Variants in RAP1A observed in about 807,000 individuals in gnomAD.
The protein encoded by RAP1A is RAP1A, member of RAS oncogene family.
In RAP1A, 6 loss-of-function variants were observed where a neutral mutation model predicts 26.4. The observed-to-expected ratio is 0.23, with a 90% CI of 0.12 to 0.45. The LOEUF (loss-of-function observed/expected upper bound fraction) is 0.45. Among genes scored for constraint, RAP1A ranks in the 20% least tolerant of loss-of-function variants. The probability of loss-of-function intolerance (pLI) is 0.99; values close to 1 mark genes in which losing one functional copy is unlikely to be tolerated. For missense variants in RAP1A, 121 were observed against 217.2 expected, an observed-to-expected ratio of 0.56 and a Z score of 2.78; for synonymous variants, 73 against 79.4, an observed-to-expected ratio of 0.92 and a Z score of 0.43.
intron 1 of RAP1A, among the ~76,000 whole-genome samples, chr1:111,583,274 A>G (rs1335958512): frequency 3.0e-5 from 4 of 134,408 alleles, no homozygotes; most frequent in Non-Finnish European, 6.4e-5. Flanking sequence ...AGTGATATAT[A>G]TAAATGCTCA....
upstream of RAP1A, among the ~76,000 whole-genome samples, chr1:111,619,380 C>G (rs1291367656): frequency 6.6e-6 from 1 of 152,204 alleles, no homozygotes; most frequent in African/African-American, 2.4e-5. Context: ...TCTGTCTCCC[C>G]TCTCTCACTC....
At position 111,549,345 on chromosome 1, in the gene RAP1A, T is replaced by C. The variant is rs973540743; in HGVS notation, c.-28+6836T>C. On this transcript the variant is annotated intron_variant, in intron 1 of 7. Coordinates refer to the RAP1A transcript ENST00000356415. The stretch of plus-strand genomic sequence containing the variant: ...TTTTTTCTTGTCTTTTTCCTTTTTT[T>C]CCCCCTTTTAAAACATGGTCGGGCT... 5.3e-5 allele frequency among the ~76,000 whole-genome samples: 8 copies of C among 151,256 alleles called. No individual in the cohort carries two copies. The East Asian group carries it at 9.7e-4, about 18-fold the overall frequency.
chr1:111,624,779 T>C (rs538024427), intron 1 of RAP1A, among the ~76,000 whole-genome samples: 134 of 152,310 alleles, frequency 8.8e-4, no homozygotes, highest in Non-Finnish European at 1.6e-3. Flanking sequence ...AATAATTCTT[T>C]TAATAAAATT....
chr1:111,701,092 A>G (rs971432606), intron 4 of RAP1A, among the ~76,000 whole-genome samples: 1 of 152,212 alleles, frequency 6.6e-6, no homozygotes, highest in Admixed American at 6.5e-5. Context: ...TAAATTATGC[A>G]TTAAACTCAG....
chr1:111,543,873 C>A (rs1441291491), intron 1 of RAP1A, among the ~76,000 whole-genome samples: 6 of 152,102 alleles, frequency 3.9e-5, no homozygotes, highest in South Asian at 2.1e-4. Context: ...AAGGATTGGG[C>A]CTTCTCAGAG....
chr1:111,561,844 G>A (rs1448624285), intron 1 of RAP1A, among the ~76,000 whole-genome samples: 2 of 151,866 alleles, frequency 1.3e-5, no homozygotes, highest in African/African-American at 2.4e-5. Context: ...CCATTCCCAC[G>A]GCTATAGTCC....
intron 1 of RAP1A, among the ~76,000 whole-genome samples, chr1:111,676,759 G>A (rs1419134420): frequency 6.6e-6 from 1 of 150,994 alleles, no homozygotes; most frequent in East Asian, 1.9e-4. Flanking sequence ...TTCTGTCACT[G>A]TTTTATCTTT....
chr1:111,642,021 G>A (rs1308840382), intron 1 of RAP1A, among the ~76,000 whole-genome samples: 1 of 152,170 alleles, frequency 6.6e-6, no homozygotes, highest in East Asian at 1.9e-4. Flanking sequence ...AAGGTGGGCG[G>A]ATCACCTGAG....
intron 1 of RAP1A, among the ~76,000 whole-genome samples, chr1:111,607,133 A>C (rs1365929548): frequency 1.3e-5 from 2 of 150,398 alleles, no homozygotes; most frequent in Non-Finnish European, 3.0e-5. Context: ...CAAGTGAACA[A>C]AGGTCTCTGG....
chr1:111,588,041 G>A (rs549640329), intron 1 of RAP1A, among the ~76,000 whole-genome samples: 57 of 151,956 alleles, frequency 3.8e-4, no homozygotes, highest in Non-Finnish European at 6.2e-4. Context: ...AAATCTCTAC[G>A]CCCAACTGAA....
rs56273344 is a variant in RAP1A, at chr1:111,578,121, G to C, written c.-28+35612G>C. Among the ~76,000 whole-genome samples, 772 of 152,304 alleles carry C rather than the reference G, an allele frequency of 5.1e-3. 5 individuals carry two copies. The highest frequency in any genetic ancestry group is 0.018 in the African/African-American group (731 of 41,544). On this transcript the variant is annotated intron_variant, in intron 1 of 7. Transcript: ENST00000356415. ...GACTTAAATAAGAAAAGGATTAAAA[G>C]TGGATGTGTTTGAACTGAGTTTTGA... is the stretch of plus-strand genomic sequence containing the variant.
chr1:111,687,675 A>G (rs896411573), intron 1 of RAP1A, among the ~76,000 whole-genome samples: 4 of 152,138 alleles, frequency 2.6e-5, no homozygotes, highest in African/African-American at 9.7e-5. Context: ...TTTTACTTCT[A>G]CATGTAAACC....
intron 1 of RAP1A, among the ~76,000 whole-genome samples, chr1:111,631,971 T>A (rs1161269066): frequency 1.3e-5 from 2 of 152,188 alleles, no homozygotes; most frequent in Non-Finnish European, 1.5e-5. Context: ...TCTGTTTATA[T>A]CTTAATTTTT....
intron 4 of RAP1A, among the ~76,000 whole-genome samples, chr1:111,698,154 C>T (rs1661896862): frequency 6.6e-6 from 1 of 152,100 alleles, no homozygotes; most frequent in Non-Finnish European, 1.5e-5. Context: ...CTGATGGTTT[C>T]CAGTTATACT....
rs1289025039 is a variant in RAP1A at position 111,612,650 on chromosome 1, AAAAC to A, written c.-28+70145_-28+70148del. Reference sequence around the variant, plus strand: ...CCGCTCAAATCACACAATGCATTAAAAAACAAATATAAAAGCCTTTGGAGTTGGC... The same window carrying A: ...CCGCTCAAATCACACAATGCATTAAAAAATATAAAAGCCTTTGGAGTTGGC... On this transcript the variant is annotated intron_variant, in intron 1 of 7. Coordinates refer to the RAP1A transcript ENST00000356415. Among the ~76,000 whole-genome samples the A allele has an allele frequency of 2.0e-5, 3 of 152,336 alleles. No individual in the cohort carries two copies. The South Asian group carries it at 6.2e-4, about 32-fold the overall frequency.
At chr1:111,559,875 T>G (rs1337924662) in intron 1 of RAP1A, among the ~76,000 whole-genome samples, 1 of 152,194 alleles carries the variant, frequency 6.6e-6, no homozygotes, top group Non-Finnish European at 1.5e-5. Context: ...CAGCATAAAT[T>G]ACTAAGTCTA....
At chr1:111,676,116 G>T (rs372526999) in intron 1 of RAP1A, among the ~76,000 whole-genome samples, 17 of 152,262 alleles carry the variant, frequency 1.1e-4, no homozygotes, top group African/African-American at 4.1e-4. Context: ...CAGCACTTTG[G>T]GAGGCTGAGG....
chr1:111,641,689 T>C (rs1364791294), intron 1 of RAP1A, among the ~76,000 whole-genome samples: 2 of 152,206 alleles, frequency 1.3e-5, no homozygotes, highest in African/African-American at 4.8e-5. Context: ...CTTTAAATTC[T>C]CTAAGAAATG....
At chr1:111,632,921 CAAA>C (rs59053038) in intron 1 of RAP1A, among the ~76,000 whole-genome samples, 27 of 68,776 alleles carry the variant, frequency 3.9e-4, no homozygotes, top group African/African-American at 1.2e-3. Flanking sequence ...AACTTGGTCT[CAAA>C]AAAAAAAAAA....
Sources: gnomAD v4.1 joint callset for allele counts (sites outside exome capture counted in the v4.1 genomes callset) on GRCh38, gnomAD v4.1.1 for gene constraint, MANE v1.5 for transcripts, NCBI Gene and HGNC (gene_info 2026-07-23, HGNC 2026-07-21) for gene names.